PCNT: variants seen among roughly 807,000 people sequenced by gnomAD.
The protein encoded by PCNT is kendrin.
In PCNT, 319 loss-of-function variants were observed where a neutral mutation model predicts 380.4. The observed-to-expected ratio is 0.84, with a 90% CI of 0.77 to 0.92. The LOEUF (loss-of-function observed/expected upper bound fraction) is 0.92, where lower values mean the gene tolerates loss of function less well. PCNT is among the 40% of genes least tolerant of loss of function. The pLI, the probability that PCNT is intolerant of heterozygous loss-of-function variation, is 0.00. For synonymous variants in PCNT, 1,845 were observed against 1,735.2 expected (o/e 1.06, Z -1.57); for missense variants, 4,400 against 4,255.3 (o/e 1.03, Z -0.95).
chr21:46,372,654 C>T (rs1297058583), intron 15 of PCNT, among the ~76,000 whole-genome samples: 1 of 152,150 alleles, frequency 6.6e-6, no homozygotes, highest in Non-Finnish European at 1.5e-5. Flanking sequence ...TCATTTCTAG[C>T]CATAAAGTAA....
At chr21:46,347,384 C>T (rs1050209980) in intron 5 of PCNT, 73 bp from the exon 6 acceptor site, 27 of 1,482,256 alleles carry the variant, frequency 1.8e-5, no homozygotes, top group African/African-American at 2.8e-5. Context: ...AGAGCCTGGT[C>T]GTTTCCTGGG....
intron 3 of PCNT, among the ~76,000 whole-genome samples, chr21:46,344,166 C>G (rs777685026): frequency 6.6e-6 from 1 of 151,902 alleles, no homozygotes; most frequent in Non-Finnish European, 1.5e-5. Context: ...GTCTGCCTCC[C>G]GGGTTCATGC....
At chr21:46,348,805 A>T (rs1383198211) in intron 6 of PCNT, among the ~76,000 whole-genome samples, 1 of 150,058 alleles carries the variant, frequency 6.7e-6, no homozygotes, top group African/African-American at 2.5e-5. Context: ...TTTTTTGTAG[A>T]GATGGGGTCT....
At chr21:46,345,729 C>T (rs1399724445) in intron 3 of PCNT, among the ~76,000 whole-genome samples, 2 of 152,220 alleles carry the variant, frequency 1.3e-5, no homozygotes. Flanking sequence ...GTGCTCGCGG[C>T]AGCCACCCCG....
intron 15 of PCNT, among the ~76,000 whole-genome samples, chr21:46,368,925 C>T (rs765314541): frequency 6.6e-6 from 1 of 152,266 alleles, no homozygotes; most frequent in Admixed American, 6.5e-5. Flanking sequence ...GGAGGGCTTC[C>T]TCCTTCCTGA....
chr21:46,328,705 C>T (rs1020712780), intron 2 of PCNT, among the ~76,000 whole-genome samples: 1 of 152,002 alleles, frequency 6.6e-6, no homozygotes, highest in Non-Finnish European at 1.5e-5. Context: ...AAGCAATCCA[C>T]CCACCTTGGC....
chr21:46,431,585 A>G lies in PCNT; in HGVS notation c.8121A>G (p.Ala2707=), dbSNP rs745576758. The G allele has an allele frequency of 3.1e-6, 5 of 1,614,074 alleles. No individual in the cohort carries two copies. The South Asian group carries it at 5.5e-5, about 18-fold the overall frequency. ...QRAQSSRLCV[A]LKHEQTAKDN... ...CTCAGAGCAGTCGACTCTGCGTGGCACTGAAACACGAGCAGACGGCCAAGG... is the reference window on the plus strand; with the variant it reads ...CTCAGAGCAGTCGACTCTGCGTGGCGCTGAAACACGAGCAGACGGCCAAGG... The change falls in exon 38 of 47, where the codon GCA becomes GCG. Residue 2707 remains alanine (A), a synonymous_variant. Coordinates refer to ENST00000359568, the MANE Select transcript of PCNT (RefSeq NM_006031.6).
chr21:46,394,106 AC>A (rs1230910237), intron 21 of PCNT, among the ~76,000 whole-genome samples: 1 of 151,008 alleles, frequency 6.6e-6, no homozygotes, highest in Non-Finnish European at 1.5e-5. Context: ...CTTTCCTTTC[AC>A]CCTGGCTCTG....
intron 2 of PCNT, among the ~76,000 whole-genome samples, chr21:46,332,396 T>C (rs1163367755): frequency 6.6e-6 from 1 of 152,228 alleles, no homozygotes; most frequent in African/African-American, 2.4e-5. Flanking sequence ...TTACACGTAA[T>C]TTACAGAAGT....
At chr21:46,346,710 G>T in intron 4 of PCNT, 33 bp from the exon 5 acceptor site, 1 of 1,580,658 alleles carries the variant, frequency 6.3e-7, no homozygotes. Context: ...TTCTGACCAT[G>T]GGCCCTTATC....
At chr21:46,414,270 G>A (rs893901364) in intron 29 of PCNT, among the ~76,000 whole-genome samples, 7 of 152,208 alleles carry the variant, frequency 4.6e-5, no homozygotes, top group South Asian at 2.1e-4. Context: ...GGGATTACAG[G>A]CGTGAGCCAC....
rs780568767 is a variant in PCNT, at chr21:46,445,752, CTGTTT to C, written c.*431_*435del. The C allele has an allele frequency of 3.0e-4, 51 of 170,126 alleles. No homozygotes were observed. Among genetic ancestry groups the C allele is most frequent in the Non-Finnish European group, 5.6e-4 (44 of 78,728 alleles). 10.5% of individuals were successfully genotyped at this position (170,126 alleles called of 1,614,324 possible). On this transcript the variant is annotated 3_prime_UTR_variant, in exon 47 of 47. Transcript: ENST00000359568. ...CTCAAAAAGGAATAAAATTTAATCA[CTGTTT>C]TGTTTGTGAATAGCCCTTGTGTTGT... is the stretch of plus-strand genomic sequence containing the variant.
chr21:46,411,110 A>T, intron 27 of PCNT, 79 bp from the exon 28 acceptor site: 1 of 1,377,410 alleles, frequency 7.3e-7, no homozygotes. Flanking sequence ...GAATGCATTC[A>T]GGATGTAACG....
chr21:46,361,974 C>T (rs1469021484), intron 13 of PCNT, among the ~76,000 whole-genome samples: 1 of 152,078 alleles, frequency 6.6e-6, no homozygotes, highest in Non-Finnish European at 1.5e-5. Flanking sequence ...CAGCTGGGTT[C>T]AGGTTGCATC....
At chr21:46,359,230 G>A (rs1448329392) in intron 13 of PCNT, among the ~76,000 whole-genome samples, 1 of 149,152 alleles carries the variant, frequency 6.7e-6, no homozygotes, top group African/African-American at 2.5e-5. Context: ...TGGGACTACA[G>A]GCGTGAGCCA....
Position 46,431,876 on chromosome 21 carries a change from G to A in PCNT, c.8412G>A (p.Leu2804=), listed in dbSNP as rs529137460. The change falls in exon 38 of 47, where the codon TTG becomes TTA. Residue 2804 remains leucine, a synonymous_variant. Coordinates refer to ENST00000359568, the MANE Select transcript of PCNT (RefSeq NM_006031.6). ...AGGAGAAGTCCCGGGTGGTGGACTT[G>A]CAAGCGATGCTTGAAAAGGTGCAGC... ...LKEEKSRVVD[L]QAMLEKVQQQ... is the part of the protein sequence containing the mutation. 3.1e-6 allele frequency: 5 copies of A among 1,614,058 alleles called. No homozygotes were observed. Among genetic ancestry groups the A allele is most frequent in the East Asian group, 4.5e-5 (2 of 44,882 alleles).
chr21:46,346,971 G>GTGGT lies in PCNT; in HGVS notation c.950_953dup (p.Leu319GlyfsTer10), dbSNP rs1569178229. 6.3e-7 allele frequency: 1 copy of GTGGT among 1,596,500 alleles called. No individual in the cohort carries two copies. Among genetic ancestry groups the GTGGT allele is most frequent in the South Asian group, 1.1e-5 (1 of 87,876 alleles). On this transcript the variant is annotated frameshift_variant, in exon 5 of 47. Coordinates refer to ENST00000359568, the MANE Select transcript of PCNT (RefSeq NM_006031.6). LOFTEE classifies it high-confidence loss of function. ...GCAGCACGCACGGGAGAAGGAGGAG[G>GTGGT]TGGTGCTCAGGTGTGGACAGGAAGC...
chr21:46,384,749 C>T (rs1269034431), intron 16 of PCNT, among the ~76,000 whole-genome samples: 4 of 140,742 alleles, frequency 2.8e-5, no homozygotes, highest in Non-Finnish European at 6.4e-5. Flanking sequence ...CGTTGAGCGG[C>T]GGAAGCGCAT....
intron 38 of PCNT, among the ~76,000 whole-genome samples, chr21:46,435,220 T>TTAG: frequency 6.6e-6 from 1 of 152,212 alleles, no homozygotes; most frequent in Non-Finnish European, 1.5e-5. Flanking sequence ...TGTTGTTTTT[T>TTAG]TTGTTTTGGT....
Sources: allele counts gnomAD v4.1 joint callset (sites outside exome capture counted in the v4.1 genomes callset), GRCh38; gene constraint gnomAD v4.1.1; transcripts MANE v1.5; gene names NCBI Gene and HGNC (gene_info 2026-07-23, HGNC 2026-07-21).